Variants in FBXL4 observed in about 807,000 individuals in gnomAD.
FBXL4 encodes F-box and leucine rich repeat protein 4, also known as F-box/LRR-repeat protein 4.
Under a neutral mutation model 58.9 loss-of-function variants are expected in FBXL4, and 40 were observed. The ratio of observed to expected loss-of-function variants is 0.68; its 90% CI spans 0.53 to 0.88. The LOEUF (loss-of-function observed/expected upper bound fraction) is 0.88, where lower values mean the gene tolerates loss of function less well. FBXL4 is among the 40% of genes least tolerant of loss of function. FBXL4 has a pLI of 0.00. For missense variants in FBXL4, 676 were observed against 734.4 expected (o/e 0.92, Z 0.92); for synonymous variants, 263 against 265.5 (o/e 0.99, Z 0.09).
At chr6:98,939,736 T>C (rs1331439797) in intron 1 of FBXL4, among the ~76,000 whole-genome samples, 1 of 152,236 alleles carries the variant, frequency 6.6e-6, no homozygotes, top group Non-Finnish European at 1.5e-5. Flanking sequence ...ACATTACCAG[T>C]GGCACTTTCT....
At chr6:98,935,121 A>T (rs1773158615) in intron 1 of FBXL4, among the ~76,000 whole-genome samples, 1 of 152,248 alleles carries the variant, frequency 6.6e-6, no homozygotes, top group Non-Finnish European at 1.5e-5. Context: ...AATTTAAACT[A>T]GGAATTGAGA....
intron 2 of FBXL4, among the ~76,000 whole-genome samples, chr6:98,932,604 C>T (rs1048183281): frequency 6.6e-6 from 1 of 151,944 alleles, no homozygotes; most frequent in African/African-American, 2.4e-5. Flanking sequence ...CAGGAGCTGC[C>T]GAGAAGTCGG....
intron 7 of FBXL4, among the ~76,000 whole-genome samples, chr6:98,887,002 ACT>A (rs750564364): frequency 7.2e-5 from 11 of 152,072 alleles, no homozygotes; most frequent in African/African-American, 1.4e-4. Context: ...TAATTCTAAC[ACT>A]CTGGGAGGCC....
chr6:98,871,364 T>A lies in FBXL4; in HGVS notation c.*2914A>T, dbSNP rs2743877. The A allele has an allele frequency of 0.52, 79,347 of 152,036 alleles. 21,446 individuals are homozygous for A. Among genetic ancestry groups the A allele is most frequent in the African/African-American group, 0.65 (26,846 of 41,466 alleles). The allele number at this position is 152,036 out of a possible 1,614,324, so 9.4% of individuals were successfully genotyped here. A position where few individuals can be genotyped will look rare whatever the true frequency, so the allele number is the denominator to read the frequency against. On this transcript the variant is annotated 3_prime_UTR_variant, in exon 10 of 10. Transcript: ENST00000369244. ...CCTTGGCTCTTGATGAGTCAACAGA[T>A]GTTACTGACACTGCCTAGTTATTGC...
intron 7 of FBXL4, among the ~76,000 whole-genome samples, chr6:98,885,858 T>G (rs1363321662): frequency 6.6e-6 from 1 of 152,214 alleles, no homozygotes; most frequent in Non-Finnish European, 1.5e-5. Flanking sequence ...AGGCTGTGGC[T>G]CCTGTCTTGG....
chr6:98,880,723 C>T, intron 7 of FBXL4, 99 bp from the exon 8 acceptor site: 1 of 983,554 alleles, frequency 1.0e-6, no homozygotes, highest in Non-Finnish European at 1.6e-6. Flanking sequence ...CACTGCTTTT[C>T]CTGAAATGCA....
chr6:98,927,051 G>A lies in FBXL4; in HGVS notation c.-63C>T, dbSNP rs1772818511. 6.0e-6 allele frequency: 9 copies of A among 1,499,258 alleles called. No individual in the cohort carries two copies. The highest frequency in any genetic ancestry group is 6.3e-6 in the Non-Finnish European group (7 of 1,108,320). 92.9% of individuals were successfully genotyped at this position (1,499,258 alleles called of 1,614,324 possible). ...CCTCAGTAAGATGCATGAACTCTTT[G>A]AAGGATGTTCTAAAAAAATGAATGG... is the stretch of plus-strand genomic sequence containing the variant. On this transcript the variant is annotated 5_prime_UTR_variant, in exon 4 of 10. It introduces an in-frame stop codon into an upstream open reading frame of the 5' UTR. Transcript: ENST00000369244.
At chr6:98,899,816 A>C (rs146326636) in intron 6 of FBXL4, among the ~76,000 whole-genome samples, 3 of 152,196 alleles carry the variant, frequency 2.0e-5, no homozygotes, top group African/African-American at 7.2e-5. Flanking sequence ...ACAAAAAAAA[A>C]CAGCAAAACA....
chr6:98,891,722 CAA>C (rs34788813), intron 7 of FBXL4, among the ~76,000 whole-genome samples: 32,503 of 108,202 alleles, frequency 0.3, 3,909 homozygotes, highest in East Asian at 0.42. Flanking sequence ...CTATCTCTAC[CAA>C]AAAAAAAAAA....
At chr6:98,914,981 C>T (rs1371793162) in intron 5 of FBXL4, among the ~76,000 whole-genome samples, 2 of 152,176 alleles carry the variant, frequency 1.3e-5, no homozygotes, top group Non-Finnish European at 1.5e-5. Flanking sequence ...TCTCAGGATA[C>T]AAAATCAGTG....
chr6:98,897,064 T>C (rs1263382752), intron 7 of FBXL4: 2 of 983,820 alleles, frequency 2.0e-6, no homozygotes, highest in East Asian at 2.3e-4. Context: ...AATATTTTTT[T>C]GGTTTTTACC....
At chr6:98,891,172 T>C (rs538237820) in intron 7 of FBXL4, among the ~76,000 whole-genome samples, 2 of 152,270 alleles carry the variant, frequency 1.3e-5, no homozygotes, top group South Asian at 2.1e-4. Flanking sequence ...AAGATCAACA[T>C]TGTGGTGGAG....
intron 7 of FBXL4, among the ~76,000 whole-genome samples, chr6:98,881,932 GT>G (rs915454881): frequency 7.6e-5 from 11 of 145,634 alleles, no homozygotes; most frequent in African/African-American, 1.5e-4. Flanking sequence ...CATTAGGTTT[GT>G]TTTTTTTTTA....
chr6:98,934,856 G>A lies in FBXL4; in HGVS notation c.-285C>T, dbSNP rs1458320530. On this transcript the variant is annotated 5_prime_UTR_variant, in exon 2 of 10. Coordinates refer to ENST00000369244, the MANE Select transcript of FBXL4 (RefSeq NM_001278716.2). ...CGAATGAAGCAAATGGAGAAGGCAA[G>A]GGAACCAGGCCAGGAAGAAAAATCT... is the stretch of plus-strand genomic sequence containing the variant. The A allele has an allele frequency of 6.6e-6, 1 of 152,196 alleles. No individual in the cohort carries two copies. The highest frequency in any genetic ancestry group is 6.5e-5 in the Admixed American group (1 of 15,282). 9.4% of individuals were successfully genotyped at this position (152,196 alleles called of 1,614,324 possible).
intron 5 of FBXL4, among the ~76,000 whole-genome samples, chr6:98,917,090 T>C (rs1772388706): frequency 6.6e-6 from 1 of 152,140 alleles, no homozygotes; most frequent in East Asian, 1.9e-4. Context: ...TTAAAGTGGA[T>C]TGTTACTTAT....
chr6:98,943,920 C>T (rs959085053), intron 1 of FBXL4, among the ~76,000 whole-genome samples: 7 of 152,088 alleles, frequency 4.6e-5, no homozygotes, highest in Admixed American at 1.3e-4. Context: ...TGAATTCAAC[C>T]AAAATCATAA....
At chr6:98,898,349 C>T in intron 7 of FBXL4, 1 of 985,394 alleles carries the variant, frequency 1.0e-6, no homozygotes, top group Middle Eastern at 5.2e-4. Context: ...ACTCTTTAAC[C>T]TAGCAATACC....
Position 98,875,495 on chromosome 6 carries a change from G to A in FBXL4, c.1622C>T (p.Thr541Ile), listed in dbSNP as rs1391578014. ...QLPNLQKLFL[T>I]ANRSVCDTDI... is the part of the protein sequence containing the mutation. The stretch of plus-strand genomic sequence containing the variant: ...TGTGTCACACACAGATCTATTAGCT[G>A]TAAGAAAGAGTTTTTGCAAGTTTGG... Residue 541 changes from threonine to isoleucine, a missense_variant, in exon 9 of 10, where the codon ACA becomes ATA. Transcript: ENST00000369244. The A allele has an allele frequency of 2.5e-6, 4 of 1,614,020 alleles. No individual in the cohort carries two copies. In the African/African-American group the frequency reaches 5.3e-5, roughly 22 times the overall value.
chr6:98,911,194 G>A lies in FBXL4; in HGVS notation c.859-5524C>T, dbSNP rs113858911. On this transcript the variant is annotated intron_variant, in intron 5 of 9. Transcript: ENST00000369244. ...AGCCGGGAAGCTCAAACTGGGTGGA[G>A]CCCACCACAACTCAAGGAGGCCTAC... Among the ~76,000 whole-genome samples, 8 of 152,284 alleles carry A rather than the reference G, an allele frequency of 5.3e-5. 1 individual carries two copies. The highest frequency in any genetic ancestry group is 1.9e-4 in the African/African-American group (8 of 41,556).
Sources: allele counts gnomAD v4.1 joint callset (sites outside exome capture counted in the v4.1 genomes callset), GRCh38; gene constraint gnomAD v4.1.1; transcripts MANE v1.5; gene names NCBI Gene and HGNC (gene_info 2026-07-23, HGNC 2026-07-21).